Variants in RELN observed in about 807,000 individuals in gnomAD.
The protein encoded by RELN is reelin.
Under a neutral mutation model 427.6 loss-of-function variants are expected in RELN, and 108 were observed. The observed-to-expected ratio is 0.25, with a 90% CI of 0.22 to 0.30. RELN has a LOEUF of 0.30. Among genes scored for constraint, RELN ranks in the 10% least tolerant of loss-of-function variants. RELN has a pLI of 1.00. For synonymous variants in RELN, 1,524 were observed against 1,513.4 expected, an observed-to-expected ratio of 1.01 and a Z score of -0.16; for missense variants, 3,715 against 4,302.8, an observed-to-expected ratio of 0.86 and a Z score of 3.82.
intron 6 of RELN, among the ~76,000 whole-genome samples, chr7:103,733,762 G>A (rs1790419068): frequency 6.7e-6 from 1 of 149,860 alleles, no homozygotes; most frequent in Admixed American, 6.6e-5. Flanking sequence ...GACACAGGAA[G>A]GGGAACATCA....
At chr7:103,849,755 T>C (rs1385289202) in intron 2 of RELN, among the ~76,000 whole-genome samples, 2 of 152,222 alleles carry the variant, frequency 1.3e-5, no homozygotes, top group Non-Finnish European at 2.9e-5. Flanking sequence ...AAGATGGTTT[T>C]ACATCTTAAA....
At position 103,968,794 on chromosome 7, in the gene RELN, C is replaced by G. The variant is rs1796707124; in HGVS notation, c.226+20337G>C. On this transcript the variant is annotated intron_variant, in intron 1 of 64. Coordinates refer to ENST00000428762, the MANE Select transcript of RELN (RefSeq NM_005045.4). This position sits in a 1 kb window ranked among gnomAD's most constrained non-coding sequence, Gnocchi z 4.3. ...GGATGTCAAATTTACCATTGACATT[C>G]TGCCTAACAACAACAAAAACAATTA... is the stretch of plus-strand genomic sequence containing the variant. Among the ~76,000 whole-genome samples, 1 of 152,100 alleles carries G rather than the reference C, an allele frequency of 6.6e-6. No homozygotes were observed. The highest frequency in any genetic ancestry group is 2.4e-5 in the African/African-American group (1 of 41,424).
chr7:103,980,770 G>C (rs898258008), intron 1 of RELN, among the ~76,000 whole-genome samples: 3 of 152,188 alleles, frequency 2.0e-5, no homozygotes, highest in Non-Finnish European at 4.4e-5. Flanking sequence ...TATTGTCACT[G>C]TCATAATTCA....
At chr7:103,658,555 C>T (rs1470692977) in intron 12 of RELN, among the ~76,000 whole-genome samples, 2 of 152,060 alleles carry the variant, frequency 1.3e-5, no homozygotes, top group African/African-American at 4.8e-5. Context: ...CCACCCTACC[C>T]TATCCTATCC....
rs1462369530 is a variant in RELN at position 103,520,954 on chromosome 7, G to GTTTTTT, written c.7668+1067_7668+1068insAAAAAA. Among the ~76,000 whole-genome samples the GTTTTTT allele has an allele frequency of 6.5e-3, 506 of 77,966 alleles. 60 individuals carry two copies. Among genetic ancestry groups the GTTTTTT allele is most frequent in the Middle Eastern group, 0.015 (2 of 136 alleles). 51.1% of individuals were successfully genotyped at this position (77,966 alleles called of 152,430 possible). On this transcript the variant is annotated intron_variant, in intron 48 of 64. Coordinates refer to ENST00000428762, the MANE Select transcript of RELN (RefSeq NM_005045.4). ...GAAATAAAGAGCTGGCAGTAAATTTGTTATTTTTTTTTTTTTTTTTTTTTT... is the reference window on the plus strand; with the variant it reads ...GAAATAAAGAGCTGGCAGTAAATTTGTTTTTTTTATTTTTTTTTTTTTTTTTTTTTT...
chr7:103,515,862 G>A (rs1330038398), intron 49 of RELN, among the ~76,000 whole-genome samples: 2 of 152,188 alleles, frequency 1.3e-5, no homozygotes, highest in Non-Finnish European at 2.9e-5. Flanking sequence ...CTGTTTCCAT[G>A]AGTGCTGGCA....
intron 2 of RELN, among the ~76,000 whole-genome samples, chr7:103,892,910 G>A (rs1451800545): frequency 6.6e-6 from 1 of 152,028 alleles, no homozygotes; most frequent in Non-Finnish European, 1.5e-5. Flanking sequence ...TAACAGGAAA[G>A]CTGACGGCTT....
intron 1 of RELN, among the ~76,000 whole-genome samples, chr7:103,984,112 G>C (rs962049281): frequency 3.3e-5 from 5 of 151,148 alleles, no homozygotes; most frequent in Admixed American, 2.0e-4. Flanking sequence ...ATGGAGTAAG[G>C]CTTCTAGTTT....
chr7:103,898,495 A>G (rs1217201683), intron 2 of RELN, among the ~76,000 whole-genome samples: 1 of 152,040 alleles, frequency 6.6e-6, no homozygotes, highest in Non-Finnish European at 1.5e-5. Context: ...TAACATTTTA[A>G]TGGCTCTGTT....
intron 13 of RELN, 115 bp from the exon 14 acceptor site, chr7:103,652,874 C>A: frequency 1.2e-6 from 1 of 855,076 alleles, no homozygotes; most frequent in Middle Eastern, 2.4e-4. Context: ...TATTAAGCAC[C>A]AGGACACGTC....
At chr7:103,800,901 T>G in intron 3 of RELN, among the ~76,000 whole-genome samples, 1 of 151,912 alleles carries the variant, frequency 6.6e-6, no homozygotes, top group South Asian at 2.1e-4. Flanking sequence ...GCAAACAACC[T>G]GATGAAAAAG....
At chr7:103,893,891 A>G (rs986235924) in intron 2 of RELN, among the ~76,000 whole-genome samples, 1 of 152,188 alleles carries the variant, frequency 6.6e-6, no homozygotes, top group African/African-American at 2.4e-5. Flanking sequence ...ATTCCCCATC[A>G]TAAGAGCAGA....
At chr7:103,771,057 A>G (rs1791557553) in intron 4 of RELN, among the ~76,000 whole-genome samples, 1 of 151,674 alleles carries the variant, frequency 6.6e-6, no homozygotes, top group Admixed American at 6.6e-5. Context: ...CTGGGACTAC[A>G]GGCACCTGCC....
chr7:103,984,960 T>C (rs1176031088), intron 1 of RELN, among the ~76,000 whole-genome samples: 2 of 152,200 alleles, frequency 1.3e-5, no homozygotes, highest in East Asian at 3.8e-4. Flanking sequence ...GGTCATTAAA[T>C]TGCACTTCCT....
At chr7:103,915,753 C>T (rs926329660) in intron 2 of RELN, among the ~76,000 whole-genome samples, 4 of 152,122 alleles carry the variant, frequency 2.6e-5, no homozygotes, top group Non-Finnish European at 5.9e-5. Context: ...ATTTTGTTTA[C>T]CTAAAATTCA....
intron 1 of RELN, among the ~76,000 whole-genome samples, chr7:103,917,404 C>T (rs769383529): frequency 3.9e-5 from 6 of 152,254 alleles, no homozygotes; most frequent in Non-Finnish European, 7.4e-5. Flanking sequence ...GAACATCAGT[C>T]CTACCTTTCT....
At position 103,523,374 on chromosome 7, in the gene RELN, G is replaced by GA. The variant is rs761790873; in HGVS notation, c.7490+16dup. 1.9e-6 allele frequency: 3 copies of GA among 1,614,012 alleles called. No individual in the cohort carries two copies. Among genetic ancestry groups the GA allele is most frequent in the East Asian group, 4.5e-5 (2 of 44,876 alleles). On this transcript the variant is annotated intron_variant, in intron 47 of 64. Coordinates refer to ENST00000428762, the MANE Select transcript of RELN (RefSeq NM_005045.4). ...AATCAGGAGCTTTCAACAGAAGGAA[G>GA]AAAAAAACCGACTTACACGCAGTTT... is the stretch of plus-strand genomic sequence containing the variant.
chr7:103,754,278 T>C (rs1437779208), intron 4 of RELN, among the ~76,000 whole-genome samples: 1 of 152,160 alleles, frequency 6.6e-6, no homozygotes, highest in African/African-American at 2.4e-5. Flanking sequence ...ACTATTAAAT[T>C]AATTTCATCT....
intron 1 of RELN, among the ~76,000 whole-genome samples, chr7:103,972,145 G>A (rs138198612): frequency 2.5e-3 from 385 of 152,260 alleles, no homozygotes; most frequent in Middle Eastern, 0.017. Flanking sequence ...TCTAAAACTT[G>A]AATATTAGAG....
Sources: gnomAD v4.1 joint callset for allele counts (sites outside exome capture counted in the v4.1 genomes callset) on GRCh38, gnomAD v4.1.1 for gene constraint, Gnocchi (gnomAD v3.1) non-coding constraint, MANE v1.5 for transcripts, NCBI Gene and HGNC (gene_info 2026-07-23, HGNC 2026-07-21) for gene names.